ENDOG: variants seen among roughly 807,000 people sequenced by gnomAD.
ENDOG encodes the protein endonuclease G, mitochondrial.
Under a neutral mutation model 22.6 loss-of-function variants are expected in ENDOG, and 22 were observed. The ratio of observed to expected loss-of-function variants is 0.97; its 90% CI spans 0.70 to 1.39. ENDOG has a LOEUF of 1.39. Ranked by LOEUF, ENDOG falls within the 40% of genes most tolerant of loss-of-function variation. The probability of loss-of-function intolerance (pLI) is 0.00; values close to 1 mark genes in which losing one functional copy is unlikely to be tolerated. For synonymous variants in ENDOG, 173 were observed against 200.2 expected, an observed-to-expected ratio of 0.86 and a Z score of 1.15; for missense variants, 403 against 431.3, an observed-to-expected ratio of 0.93 and a Z score of 0.58.
At chr9:128,820,676 G>GC in intron 1 of ENDOG, 63 bp from the exon 2 acceptor site, 1 of 1,408,578 alleles carries the variant, frequency 7.1e-7, no homozygotes, top group African/African-American at 1.4e-5. Flanking sequence ...ACCTGGGGCG[G>GC]CCCTCTGATA....
Position 128,818,964 on chromosome 9 carries a change from T to C in ENDOG, c.280T>C (p.Trp94Arg). Residue 94 changes from tryptophan (W) to arginine (R), a missense_variant, in exon 1 of 3, where the codon TGG (tryptophan) becomes CGG (arginine). Physicochemically the swap from Trp to Arg is moderately radical, Grantham distance 101 (BLOSUM62 -3). Coordinates refer to ENST00000372642, the MANE Select transcript of ENDOG (RefSeq NM_004435.2). ...CGACCCGCGCACCCGCGGCGCGCTCTGGGTGGTGGAGCAGCTGCGACCCGA... is the reference window on the plus strand; with the variant it reads ...CGACCCGCGCACCCGCGGCGCGCTCCGGGTGGTGGAGCAGCTGCGACCCGA... ...CYDPRTRGAL[W>R]VVEQLRPERL... 2.7e-6 allele frequency: 4 copies of C among 1,493,520 alleles called. No individual in the cohort carries two copies. The highest frequency in any genetic ancestry group is 3.5e-6 in the Non-Finnish European group (4 of 1,129,856). 92.5% of individuals were successfully genotyped at this position (1,493,520 alleles called of 1,614,324 possible).
chr9:128,819,188 A>G lies in ENDOG; in HGVS notation c.501+3A>G, dbSNP rs755439992. 10 of 1,473,728 alleles carry G rather than the reference A, an allele frequency of 6.8e-6. No homozygotes were observed. The South Asian group carries it at 1.3e-4, about 19-fold the overall frequency. 91.3% of individuals were successfully genotyped at this position (1,473,728 alleles called of 1,614,324 possible). On this transcript the variant is annotated splice_donor_region_variant and intron_variant, in intron 1 of 2. Coordinates refer to ENST00000372642, the MANE Select transcript of ENDOG (RefSeq NM_004435.2). Reference sequence around the variant, plus strand: ...ACCTGAGCAACGTCGCGCCCCAGGTAGCGCCCGCGCCCCGGGCCGGTCGCG... The same window carrying G: ...ACCTGAGCAACGTCGCGCCCCAGGTGGCGCCCGCGCCCCGGGCCGGTCGCG...
Position 128,822,465 on chromosome 9 carries a change from C to G in ENDOG, c.749C>G (p.Pro250Arg). The change falls in exon 3 of 3, where the codon CCC (proline) becomes CGC (arginine). Residue 250 changes from proline (P) to arginine (R), a missense_variant. Physicochemically the swap from Pro to Arg is moderately radical, Grantham distance 103 (BLOSUM62 -2). Transcript: ENST00000372642. ...ATTGAGCTCCGCACCTACGTGATGCCCAACGCACCTGTGGATGAGGCCATC... is the reference window on the plus strand; with the variant it reads ...ATTGAGCTCCGCACCTACGTGATGCGCAACGCACCTGTGGATGAGGCCATC... ...GQIELRTYVM[P>R]NAPVDEAIPL... is the part of the protein sequence containing the mutation. The G allele has an allele frequency of 6.3e-7, 1 of 1,575,680 alleles. No individual in the cohort carries two copies. The highest frequency in any genetic ancestry group is 8.6e-7 in the Non-Finnish European group (1 of 1,160,392).
At position 128,822,398 on chromosome 9, in the gene ENDOG, C is replaced by T. The variant is rs745947082; in HGVS notation, c.682C>T (p.His228Tyr). ...IGKNHVAVPTHFFKVLILEAA... is the reference protein window; with the variant it reads ...IGKNHVAVPTYFFKVLILEAA... ...CAAGAACCACGTGGCAGTGCCCACA[C>T]ACTTCTTCAAGGTGCTGATCCTGGA... is the stretch of plus-strand genomic sequence containing the variant. Residue 228 changes from histidine (H) to tyrosine (Y), a missense_variant, in exon 3 of 3, where the codon CAC becomes TAC. Physicochemically the swap from His to Tyr is moderately conservative, Grantham distance 83. Transcript: ENST00000372642. 26 of 1,612,816 alleles carry T rather than the reference C, an allele frequency of 1.6e-5. No homozygotes were observed. The highest frequency in any genetic ancestry group is 3.3e-5 in the South Asian group (3 of 90,786).
chr9:128,819,254 G>A, intron 1 of ENDOG, 69 bp downstream of exon 1: 1 of 1,397,838 alleles, frequency 7.2e-7, no homozygotes, highest in Non-Finnish European at 9.2e-7. Flanking sequence ...GCCTCGGTTT[G>A]TTCTTCTGCA....
intron 1 of ENDOG, 47 bp from the exon 2 acceptor site, chr9:128,820,692 G>C: frequency 6.5e-7 from 1 of 1,540,444 alleles, no homozygotes; most frequent in South Asian, 1.2e-5. Context: ...TGATAGAGGA[G>C]GAAGGGTCCC....
Position 128,822,540 on chromosome 9 carries a change from G to A in ENDOG, c.824G>A (p.Gly275Glu). ...ATCGAGAGCATTGAGCGGGCTTCGG[G>A]GCTGCTCTTTGTGCCAAACATCCTG... ...VPIESIERAS[G>E]LLFVPNILAR... Residue 275 changes from glycine to glutamate, a missense_variant, in exon 3 of 3, where the codon GGG becomes GAG. Gly to Glu is a moderately conservative substitution (Grantham distance 98). Transcript: ENST00000372642. The A allele has an allele frequency of 5.8e-6, 9 of 1,560,000 alleles. No individual in the cohort carries two copies. Among genetic ancestry groups the A allele is most frequent in the Non-Finnish European group, 7.8e-6 (9 of 1,151,564 alleles).
chr9:128,821,160 C>T (rs958048169), intron 2 of ENDOG: 63 of 406,696 alleles, frequency 1.5e-4, no homozygotes, highest in South Asian at 7.2e-4. Flanking sequence ...TGGAACCCCC[C>T]GCAGGTCTGC....
At position 128,818,788 on chromosome 9, in the gene ENDOG, G is replaced by T; in HGVS notation, c.104G>T (p.Gly35Val). 8.3e-7 allele frequency: 1 copy of T among 1,210,940 alleles called. No homozygotes were observed. Among genetic ancestry groups the T allele is most frequent in the Non-Finnish European group, 1.0e-6 (1 of 975,114 alleles). 75.0% of individuals were successfully genotyped at this position (1,210,940 alleles called of 1,614,324 possible). Reference sequence around the variant, plus strand: ...CGGGAGGACGCGCGGGCGGCGCCGGGACTGCTGGGCCGGCTGCCCGTGCTG... The same window carrying T: ...CGGGAGGACGCGCGGGCGGCGCCGGTACTGCTGGGCCGGCTGCCCGTGCTG... ...RRREDARAAP[G>V]LLGRLPVLPV... Residue 35 changes from glycine to valine, a missense_variant, in exon 1 of 3, where the codon GGA (glycine) becomes GTA (valine). Gly to Val is a moderately radical substitution (Grantham distance 109). Transcript: ENST00000372642.
Position 128,822,517 on chromosome 9 carries a change from C to T in ENDOG, c.801C>T (p.Ile267=), listed in dbSNP as rs535652631. 5.1e-6 allele frequency: 8 copies of T among 1,560,450 alleles called. No individual in the cohort carries two copies. The highest frequency in any genetic ancestry group is 4.7e-5 in the South Asian group (4 of 84,836). Residue 267 remains isoleucine (I), a synonymous_variant, in exon 3 of 3, where the codon ATC becomes ATT. Transcript: ENST00000372642. The stretch of plus-strand genomic sequence containing the variant: ...CACTGGAGCGCTTCCTGGTGCCCAT[C>T]GAGAGCATTGAGCGGGCTTCGGGGC... ...AIPLERFLVP[I]ESIERASGLL...
In ENDOG at chr9:128,819,013, G is replaced by A. The variant is rs970057720; in HGVS notation, c.329G>A (p.Arg110Gln). The change falls in exon 1 of 3, where the codon CGG (arginine) becomes CAG (glutamine). Residue 110 changes from arginine (R) to glutamine (Q), a missense_variant. Arg to Gln is a conservative substitution (Grantham distance 43). Transcript: ENST00000372642. ...GAGCGTCTCCGCGGCGACGGCGACC[G>A]GCGCGAGTGCGACTTCCGCGAGGAC... ...RPERLRGDGD[R>Q]RECDFREDDS... 1.3e-6 allele frequency: 2 copies of A among 1,485,100 alleles called. No individual in the cohort carries two copies. The highest frequency in any genetic ancestry group is 2.8e-5 in the East Asian group (1 of 36,114). The allele number at this position is 1,485,100 out of a possible 1,614,324, so 92.0% of individuals were successfully genotyped here.
At chr9:128,821,794 T>A (rs1408462214) in intron 2 of ENDOG, 1 of 166,060 alleles carries the variant, frequency 6.0e-6, no homozygotes. Context: ...TGTCACATGC[T>A]TCCCCAGGGC....
rs372072772 is a variant in ENDOG, at chr9:128,820,799, C to T, written c.562C>T (p.Arg188Cys). 43 of 1,612,496 alleles carry T rather than the reference C, an allele frequency of 2.7e-5. No individual in the cohort carries two copies. The East Asian group carries it at 4.5e-4, about 17-fold the overall frequency. ...GGAGAAATATAGCCGCAGCTTGACC[C>T]GCAGCTACCAAAACGTCTATGTCTG... is the stretch of plus-strand genomic sequence containing the variant. ...NLEKYSRSLT[R>C]SYQNVYVCTG... is the part of the protein sequence containing the mutation. The change falls in exon 2 of 3, where the codon CGC (arginine) becomes TGC (cysteine). Residue 188 changes from arginine to cysteine, a missense_variant. Physicochemically the swap from Arg to Cys is radical, Grantham distance 180. Coordinates refer to ENST00000372642, the MANE Select transcript of ENDOG (RefSeq NM_004435.2).
chr9:128,818,556 GT>G lies in ENDOG; in HGVS notation c.-128del. The G allele has an allele frequency of 1.0e-6, 1 of 998,282 alleles. No homozygotes were observed. The highest frequency in any genetic ancestry group is 1.2e-6 in the Non-Finnish European group (1 of 824,606). The allele number at this position is 998,282 out of a possible 1,614,324, so 61.8% of individuals were successfully genotyped here. ...GGTTCCGAGGCCCAAGCCCTTGGCA[GT>G]GTTTGTGAGTGGAAGGGAGGTCACG... On this transcript the variant is annotated 5_prime_UTR_variant, in exon 1 of 3. Transcript: ENST00000372642.
Position 128,819,031 on chromosome 9 carries a change from G to A in ENDOG, c.347G>A (p.Arg116His). 2 of 1,495,246 alleles carry A rather than the reference G, an allele frequency of 1.3e-6. No individual in the cohort carries two copies. Among genetic ancestry groups the A allele is most frequent in the East Asian group, 2.7e-5 (1 of 36,968 alleles). 92.6% of individuals were successfully genotyped at this position (1,495,246 alleles called of 1,614,324 possible). Reference sequence around the variant, plus strand: ...GGCGACCGGCGCGAGTGCGACTTCCGCGAGGACGACTCGGTGCACGCGTAC... The same window carrying A: ...GGCGACCGGCGCGAGTGCGACTTCCACGAGGACGACTCGGTGCACGCGTAC... The part of the protein sequence containing the change: ...GDGDRRECDF[R>H]EDDSVHAYHR... The change falls in exon 1 of 3, where the codon CGC becomes CAC. Residue 116 changes from arginine to histidine, a missense_variant. Arg to His is a conservative substitution (Grantham distance 29). Transcript: ENST00000372642.
intron 2 of ENDOG, 170 bp from the exon 3 acceptor site, chr9:128,822,158 G>GA: frequency 1.3e-6 from 1 of 746,158 alleles, no homozygotes; most frequent in Non-Finnish European, 2.1e-6. Context: ...CCACCCTGGA[G>GA]AGAGTTCCAG....
intron 1 of ENDOG, chr9:128,819,532 A>G (rs187226663): frequency 3.6e-6 from 1 of 277,086 alleles, no homozygotes; most frequent in South Asian, 7.4e-5. Flanking sequence ...CAGCAGAAGA[A>G]GGCTGTCTGT....
In ENDOG at chr9:128,822,459, T is replaced by C; in HGVS notation, c.743T>C (p.Val248Ala). 1 of 1,580,214 alleles carries C rather than the reference T, an allele frequency of 6.3e-7. No homozygotes were observed. The highest frequency in any genetic ancestry group is 8.6e-7 in the Non-Finnish European group (1 of 1,162,892). The stretch of plus-strand genomic sequence containing the variant: ...GGGCAAATTGAGCTCCGCACCTACG[T>C]GATGCCCAACGCACCTGTGGATGAG... ...AGGQIELRTY[V>A]MPNAPVDEAI... Residue 248 changes from valine (V) to alanine (A), a missense_variant, in exon 3 of 3, where the codon GTG becomes GCG. By Grantham distance (64) the Val-to-Ala change is moderately conservative. Coordinates refer to ENST00000372642, the MANE Select transcript of ENDOG (RefSeq NM_004435.2).
rs777462203 is a variant in ENDOG at position 128,818,925 on chromosome 9, T to G, written c.241T>G (p.Tyr81Asp). The G allele has an allele frequency of 7.0e-5, 104 of 1,484,158 alleles. No homozygotes were observed. The Middle Eastern group carries it at 1.1e-3, about 16-fold the overall frequency. The allele number at this position is 1,484,158 out of a possible 1,614,324, so 91.9% of individuals were successfully genotyped here. Residue 81 changes from tyrosine (Y) to aspartate (D), a missense_variant, in exon 1 of 3, where the codon TAC (tyrosine) becomes GAC (aspartate). Transcript: ENST00000372642. ...GGCGCAGCTCAAGAGCCGCGAGTCGTACGTGCTGTGCTACGACCCGCGCAC... is the reference window on the plus strand; with the variant it reads ...GGCGCAGCTCAAGAGCCGCGAGTCGGACGTGCTGTGCTACGACCCGCGCAC... ...GLAQLKSRES[Y>D]VLCYDPRTRG...
Sources: allele counts gnomAD v4.1 joint callset, GRCh38; gene constraint gnomAD v4.1.1; transcripts MANE v1.5; gene names NCBI Gene and HGNC (gene_info 2026-07-23, HGNC 2026-07-21).